Variants in FAM186B observed in about 807,000 individuals in gnomAD.
The protein encoded by FAM186B is family with sequence similarity 186 member B.
Under a neutral mutation model 83.4 loss-of-function variants are expected in FAM186B, and 68 were observed. The observed-to-expected ratio is 0.81, with a 90% CI of 0.67 to 1.00. FAM186B has a LOEUF of 1.00. Among genes scored for constraint, FAM186B ranks in the 50% least tolerant of loss-of-function variants. The pLI is 0.00. For missense variants in FAM186B, 983 were observed against 1,099.2 expected (o/e 0.89, Z 1.49); for synonymous variants, 389 against 422.0 (o/e 0.92, Z 0.96).
At position 49,600,072 on chromosome 12, in the gene FAM186B, A is replaced by G. The variant is rs754362439; in HGVS notation, c.1568T>C (p.Leu523Pro). The change falls in exon 4 of 7, where the codon CTG (leucine) becomes CCG (proline). Residue 523 changes from leucine to proline, a missense_variant. By Grantham distance (98) the Leu-to-Pro change is moderately conservative. Coordinates refer to ENST00000257894, the MANE Select transcript of FAM186B (RefSeq NM_032130.3). This position sits in a 1 kb window ranked among gnomAD's most constrained non-coding sequence, Gnocchi z 4.3. ...CTGTTGCTCCCTGGCCAGGTCTTCCAGATTCCACTGCCGCAGCTTCTCCTG... is the reference window on the plus strand; with the variant it reads ...CTGTTGCTCCCTGGCCAGGTCTTCCGGATTCCACTGCCGCAGCTTCTCCTG... ...EHQEKLRQWN[L>P]EDLAREQQRR... is the part of the protein sequence containing the mutation. 2 of 1,607,456 alleles carry G rather than the reference A, an allele frequency of 1.2e-6. No homozygotes were observed. Among genetic ancestry groups the G allele is most frequent in the East Asian group, 4.5e-5 (2 of 44,808 alleles).
chr12:49,619,667 C>CTTTTTTTTT, the FAM186B span: 1 of 140,192 alleles, frequency 7.1e-6, no homozygotes, highest in Non-Finnish European at 1.3e-5. Context: ...TTAGACATCT[C>CTTTTTTTTT]TTTTTTTTTT....
chr12:49,603,010 C>T (rs952108673), intron 3 of FAM186B, among the ~76,000 whole-genome samples, 175 bp downstream of exon 3: 5 of 152,224 alleles, frequency 3.3e-5, no homozygotes, highest in African/African-American at 1.2e-4. Context: ...CTCAGAGCTG[C>T]TCAGTGCTTG....
At chr12:49,620,048 A>G in the FAM186B span, among the ~76,000 whole-genome samples, 1 of 152,284 alleles carries the variant, frequency 6.6e-6, no homozygotes, top group South Asian at 2.1e-4. Flanking sequence ...ATAACACGGC[A>G]TTGTGAATAC....
In FAM186B at chr12:49,601,006, C is replaced by T; in HGVS notation, c.634G>A (p.Val212Met). Reference sequence around the variant, plus strand: ...AGGAGCTCCTGCAGCATGGACGTCACCTCCGAGGCCTTCGTGTTCATGGTA... The same window carrying T: ...AGGAGCTCCTGCAGCATGGACGTCATCTCCGAGGCCTTCGTGTTCATGGTA... ...QHTMNTKASE[V>M]TSMLQELLDS... Residue 212 changes from valine (V) to methionine (M), a missense_variant, in exon 4 of 7, where the codon GTG (valine) becomes ATG (methionine). Val to Met is a conservative substitution (Grantham distance 21, BLOSUM62 1). Transcript: ENST00000257894. The T allele has an allele frequency of 2.5e-6, 4 of 1,614,194 alleles. No individual in the cohort carries two copies. Among genetic ancestry groups the T allele is most frequent in the South Asian group, 1.1e-5 (1 of 91,070 alleles).
the FAM186B span, among the ~76,000 whole-genome samples, chr12:49,615,110 CAG>C: frequency 6.6e-6 from 1 of 151,682 alleles, no homozygotes; most frequent in South Asian, 2.1e-4. Flanking sequence ...GCCTGGGTGA[CAG>C]AGCGAGACTC....
chr12:49,609,332 A>G (rs59471759), upstream of FAM186B, among the ~76,000 whole-genome samples: 4,114 of 152,280 alleles, frequency 0.027, 205 homozygotes, highest in African/African-American at 0.093. Context: ...CCACTCACCC[A>G]GATCAGCAGC....
At position 49,598,988 on chromosome 12, in the gene FAM186B, T is replaced by C. The variant is rs367605204; in HGVS notation, c.2172-41A>G. The C allele has an allele frequency of 1.3e-4, 198 of 1,581,422 alleles. 3 individuals carry two copies. The highest frequency in any genetic ancestry group is 1.6e-4 in the Non-Finnish European group (188 of 1,154,156). On this transcript the variant is annotated intron_variant, in intron 4 of 6. Coordinates refer to ENST00000257894, the MANE Select transcript of FAM186B (RefSeq NM_032130.3). ...AAGCAATTTAGGGGGTGGAGAGGCC[T>C]CCTCTATCCCCCAAGTCTGTTAACC...
rs528638783 is a variant in FAM186B at position 49,588,538 on chromosome 12, G to C, written c.2450C>G (p.Pro817Arg). The C allele has an allele frequency of 4.3e-6, 7 of 1,613,160 alleles. No individual in the cohort carries two copies. The African/African-American group carries it at 5.3e-5, about 12-fold the overall frequency. Residue 817 changes from proline (P) to arginine (R), a missense_variant, in exon 6 of 7, where the codon CCC (proline) becomes CGC (arginine). Coordinates refer to ENST00000257894, the MANE Select transcript of FAM186B (RefSeq NM_032130.3). ...PKKCKLPAAS[P>R]RHIRPSGPTY... ...GGGGCCACTGGGGCGGATGTGCCGG[G>C]GTGAGGCTGCAGGCAACTTGCATTT...
the FAM186B span, chr12:49,619,666 T>TA: frequency 1.0e-5 from 3 of 293,966 alleles, no homozygotes; most frequent in East Asian, 1.7e-4. Context: ...GTTAGACATC[T>TA]CTTTTTTTTT....
At chr12:49,605,763 T>C (rs1419735806), upstream of FAM186B, 8 of 219,928 alleles carry the variant, frequency 3.6e-5, no homozygotes, top group Middle Eastern at 1.5e-3. Flanking sequence ...CTTTTCTTTT[T>C]TTTTTTTTTT....
the FAM186B span, among the ~76,000 whole-genome samples, chr12:49,618,344 A>G: frequency 1.4e-5 from 2 of 145,166 alleles, no homozygotes; most frequent in East Asian, 2.0e-4. Context: ...ACTCCGTCTG[A>G]AAAAAAAAAA....
chr12:49,600,218 CTCAGAGG>C lies in FAM186B; in HGVS notation c.1415_1421del (p.Thr472ArgfsTer64). The C allele has an allele frequency of 6.2e-7, 1 of 1,612,686 alleles. No individual in the cohort carries two copies. The highest frequency in any genetic ancestry group is 1.1e-5 in the South Asian group (1 of 90,940). ...CCTCCTCCCAGGGCTCCTCTTGGCT[CTCAGAGG>C]TCACCTGCCTGGAGCTCTCTAGAGA... On this transcript the variant is annotated frameshift_variant, in exon 4 of 7. Transcript: ENST00000257894. LOFTEE classifies it high-confidence loss of function. This position sits in a 1 kb window ranked among gnomAD's most constrained non-coding sequence, Gnocchi z 4.3.
chr12:49,613,510 G>C, the FAM186B span, among the ~76,000 whole-genome samples: 2 of 142,776 alleles, frequency 1.4e-5, no homozygotes, highest in Non-Finnish European at 3.0e-5. Context: ...CTGGGCGACA[G>C]AGCAAGACTC....
At chr12:49,592,920 A>T (rs1202241580) in intron 5 of FAM186B, among the ~76,000 whole-genome samples, 1 of 152,204 alleles carries the variant, frequency 6.6e-6, no homozygotes. Context: ...AAAAACAAAG[A>T]ACAGATTAGA....
intron 5 of FAM186B, among the ~76,000 whole-genome samples, chr12:49,594,874 CAA>C (rs35465735): frequency 2.0e-4 from 25 of 122,488 alleles, no homozygotes; most frequent in East Asian, 2.3e-4. Context: ...GACTCTGTCT[CAA>C]AAAAAAAAAA....
At chr12:49,620,152 A>G in the FAM186B span, among the ~76,000 whole-genome samples, 10 of 152,192 alleles carry the variant, frequency 6.6e-5, no homozygotes, top group African/African-American at 2.4e-4. Context: ...AAATTAACAC[A>G]AAAGAAACAT....
chr12:49,606,486 GACACACACACACACAC>G (rs57458344), upstream of FAM186B, among the ~76,000 whole-genome samples: 31 of 136,090 alleles, frequency 2.3e-4, no homozygotes, highest in East Asian at 3.8e-3. Context: ...TAGATACCCT[GACACACACACACACAC>G]ACACACACAC....
chr12:49,585,139 C>A (rs1303615063), downstream of FAM186B, among the ~76,000 whole-genome samples: 1 of 152,222 alleles, frequency 6.6e-6, no homozygotes, highest in Non-Finnish European at 1.5e-5. Flanking sequence ...CTGCCTCAGC[C>A]TCCTGAGTAG....
At chr12:49,593,419 G>A (rs1264007864) in intron 5 of FAM186B, among the ~76,000 whole-genome samples, 8 of 152,184 alleles carry the variant, frequency 5.3e-5, no homozygotes. Context: ...CGGATCCCCT[G>A]AGGTTGAGAA....
Sources: allele counts gnomAD v4.1 joint callset (sites outside exome capture counted in the v4.1 genomes callset), GRCh38; gene constraint gnomAD v4.1.1; non-coding constraint Gnocchi (gnomAD v3.1); transcripts MANE v1.5; gene names NCBI Gene and HGNC (gene_info 2026-07-23, HGNC 2026-07-21).